Variants in SWT1 observed in about 807,000 individuals in gnomAD.
SWT1 encodes transcriptional protein SWT1.
In SWT1, 33 loss-of-function variants were observed where a neutral mutation model predicts 107.3. The observed-to-expected ratio is 0.31, with a 90% CI of 0.23 to 0.41. The LOEUF is 0.41. Among genes scored for constraint, SWT1 ranks in the 10% least tolerant of loss-of-function variants. The probability of loss-of-function intolerance (pLI) is 1.00; values close to 1 mark genes in which losing one functional copy is unlikely to be tolerated. For missense variants in SWT1, 898 were observed against 1,028.9 expected, an observed-to-expected ratio of 0.87 and a Z score of 1.74; for synonymous variants, 345 against 348.3, an observed-to-expected ratio of 0.99 and a Z score of 0.11.
intron 16 of SWT1, among the ~76,000 whole-genome samples, chr1:185,240,991 T>C (rs1357020591): frequency 6.6e-6 from 1 of 152,100 alleles, no homozygotes; most frequent in Non-Finnish European, 1.5e-5. Context: ...ATACTGATTT[T>C]TGCTTTTGAG....
chr1:185,290,575 T>TA lies in SWT1; in HGVS notation c.2574-99_2574-98insA, dbSNP rs1010619313. On this transcript the variant is annotated intron_variant, in intron 18 of 18. Coordinates refer to ENST00000367500, the MANE Select transcript of SWT1 (RefSeq NM_017673.7). ...TCATGTTATACATAATATATATATA[T>TA]TTTTTATTTGTCAATTAAAATGTAA... 159 of 800,592 alleles carry TA rather than the reference T, an allele frequency of 2.0e-4. No homozygotes were observed. The African/African-American group carries it at 2.5e-3, about 13-fold the overall frequency. The allele number at this position is 800,592 out of a possible 1,614,324, so 49.6% of individuals were successfully genotyped here. A position where few individuals can be genotyped will look rare whatever the true frequency, so the allele number is the denominator to read the frequency against.
rs544442548 is a variant in SWT1 at position 185,159,518 on chromosome 1, G to T, written c.-9-1315G>T. Among the ~76,000 whole-genome samples the T allele has an allele frequency of 1.5e-4, 23 of 152,190 alleles. No individual in the cohort carries two copies. In the South Asian group the frequency reaches 4.6e-3, roughly 30 times the overall value. On this transcript the variant is annotated intron_variant, in intron 1 of 18. Coordinates refer to ENST00000367500, the MANE Select transcript of SWT1 (RefSeq NM_017673.7). Reference sequence around the variant, plus strand: ...GAATTGGAAGTGGTTCAGAATGAAAGAGTTAATATTCCAAGGAAGAAGAAT... The same window carrying T: ...GAATTGGAAGTGGTTCAGAATGAAATAGTTAATATTCCAAGGAAGAAGAAT...
intron 17 of SWT1, among the ~76,000 whole-genome samples, chr1:185,272,643 C>A (rs898088721): frequency 6.6e-6 from 1 of 152,172 alleles, no homozygotes; most frequent in Admixed American, 6.5e-5. Context: ...ATTTCTTCAT[C>A]TGTGAAATGA....
At chr1:185,256,187 G>A (rs1456632013) in intron 16 of SWT1, among the ~76,000 whole-genome samples, 7 of 151,766 alleles carry the variant, frequency 4.6e-5, no homozygotes, top group Non-Finnish European at 1.0e-4. Context: ...TGGGTAACCC[G>A]ACCTTTCTCT....
chr1:185,222,960 C>A (rs1447668829), intron 15 of SWT1, among the ~76,000 whole-genome samples: 1 of 152,152 alleles, frequency 6.6e-6, no homozygotes, highest in Admixed American at 6.6e-5. Context: ...GACCACTGTT[C>A]TACTCTGCCT....
At chr1:185,238,374 T>C (rs1316773089) in intron 16 of SWT1, among the ~76,000 whole-genome samples, 1 of 152,166 alleles carries the variant, frequency 6.6e-6, no homozygotes, top group Non-Finnish European at 1.5e-5. Flanking sequence ...GGGGTTACTA[T>C]TGTGCTTTGA....
chr1:185,276,501 C>A, intron 17 of SWT1, 103 bp from the exon 18 acceptor site: 2 of 549,156 alleles, frequency 3.6e-6, no homozygotes, highest in Admixed American at 3.1e-5. Context: ...TATGCAATAA[C>A]TAGAAATTTG....
intron 10 of SWT1, among the ~76,000 whole-genome samples, chr1:185,192,764 CAGCCTCCCAAGAA>C (rs1657065431): frequency 6.6e-6 from 1 of 151,640 alleles, no homozygotes; most frequent in Admixed American, 6.6e-5. Flanking sequence ...TCTCCTGTCT[CAGCCTCCCAAGAA>C]GCTGAGATTA....
chr1:185,198,277 A>G (rs1657571907), intron 10 of SWT1, among the ~76,000 whole-genome samples: 2 of 152,144 alleles, frequency 1.3e-5, no homozygotes, highest in Non-Finnish European at 2.9e-5. Flanking sequence ...CTGAGTTCTA[A>G]TTTGATTACA....
chr1:185,234,032 C>T (rs1660689419), intron 16 of SWT1, among the ~76,000 whole-genome samples: 1 of 152,350 alleles, frequency 6.6e-6, no homozygotes, highest in East Asian at 1.9e-4. Flanking sequence ...GCGTGAGCCT[C>T]TGCGCCCGGC....
chr1:185,274,732 G>A (rs1471992866), intron 17 of SWT1, among the ~76,000 whole-genome samples: 1 of 152,116 alleles, frequency 6.6e-6, no homozygotes, highest in African/African-American at 2.4e-5. Context: ...TCTAATGTTT[G>A]CTGACAGTGG....
At chr1:185,168,306 C>T (rs1362036947) in intron 3 of SWT1, 34 bp from the exon 4 acceptor site, 2 of 899,788 alleles carry the variant, frequency 2.2e-6, no homozygotes, top group Non-Finnish European at 3.0e-6. Context: ...TGTACCAGTG[C>T]ACAATTTATG....
intron 16 of SWT1, among the ~76,000 whole-genome samples, chr1:185,249,848 A>G (rs1235826368): frequency 6.6e-6 from 1 of 152,124 alleles, no homozygotes; most frequent in Non-Finnish European, 1.5e-5. Flanking sequence ...TTACTTTTCC[A>G]TAAGAAAAGG....
At chr1:185,180,680 A>G (rs1273517215) in intron 6 of SWT1, among the ~76,000 whole-genome samples, 1 of 152,252 alleles carries the variant, frequency 6.6e-6, no homozygotes, top group African/African-American at 2.4e-5. Flanking sequence ...AACAAAGAGC[A>G]TGAAACCAGT....
intron 18 of SWT1, among the ~76,000 whole-genome samples, chr1:185,287,079 A>G (rs998376901): frequency 2.0e-5 from 3 of 152,236 alleles, no homozygotes; most frequent in South Asian, 4.1e-4. Flanking sequence ...AGAAAAATTC[A>G]GAGGGTTGTA....
intron 1 of SWT1, among the ~76,000 whole-genome samples, chr1:185,159,019 G>T (rs1200303547): frequency 2.0e-5 from 3 of 152,200 alleles, no homozygotes; most frequent in African/African-American, 7.2e-5. Flanking sequence ...GATGCCAGTA[G>T]TTCTTCCCTT....
chr1:185,238,217 C>A (rs1470413427), intron 16 of SWT1, among the ~76,000 whole-genome samples: 1 of 152,044 alleles, frequency 6.6e-6, no homozygotes, highest in Non-Finnish European at 1.5e-5. Context: ...AACTCCTGGG[C>A]TCAAGTGATC....
intron 18 of SWT1, among the ~76,000 whole-genome samples, chr1:185,289,404 C>G (rs1665124273): frequency 6.6e-6 from 1 of 152,200 alleles, no homozygotes; most frequent in African/African-American, 2.4e-5. Flanking sequence ...GTTGAACAAT[C>G]TAGTTCTACC....
intron 4 of SWT1, chr1:185,171,466 A>G (rs1655053537): frequency 1.1e-5 from 3 of 284,398 alleles, no homozygotes; most frequent in Admixed American, 4.9e-5. Context: ...TCTTATTTCA[A>G]ATACCTTTTG....
Sources: gnomAD v4.1 joint callset for allele counts (sites outside exome capture counted in the v4.1 genomes callset) on GRCh38, gnomAD v4.1.1 for gene constraint, MANE v1.5 for transcripts, NCBI Gene and HGNC (gene_info 2026-07-23, HGNC 2026-07-21) for gene names.